RARB: variants seen among roughly 807,000 people sequenced by gnomAD.
RARB encodes the protein retinoic acid receptor beta, also known as HBV-activated protein.
RARB carries 17 observed loss-of-function variants against 51.9 expected under a neutral mutation model. The ratio of observed to expected loss-of-function variants is 0.33; its 90% CI spans 0.22 to 0.49. The LOEUF is 0.49. Among genes scored for constraint, RARB ranks in the 20% least tolerant of loss-of-function variants. The probability of loss-of-function intolerance (pLI) is 0.99; values close to 1 mark genes in which losing one functional copy is unlikely to be tolerated. For synonymous variants in RARB, 215 were observed against 195.4 expected (o/e 1.10, Z -0.84); for missense variants, 369 against 550.8 (o/e 0.67, Z 3.30).
intron 5 of RARB, among the ~76,000 whole-genome samples, chr3:25,405,646 A>T (rs145038781): frequency 2.8e-4 from 42 of 152,350 alleles, no homozygotes; most frequent in African/African-American, 1.0e-3. Flanking sequence ...GTGGCAATTT[A>T]AATTTAAATG....
chr3:25,361,962 G>A (rs1272127074), intron 5 of RARB, among the ~76,000 whole-genome samples: 1 of 152,170 alleles, frequency 6.6e-6, no homozygotes, highest in African/African-American at 2.4e-5. Context: ...CAGGGTTCAG[G>A]GACCCACTGA....
chr3:25,047,772 C>G (rs1698246636), intron 2 of RARB, among the ~76,000 whole-genome samples: 1 of 152,222 alleles, frequency 6.6e-6, no homozygotes, highest in Non-Finnish European at 1.5e-5. Context: ...ACCATACTGT[C>G]TATCTGCATT....
chr3:25,341,880 C>A (rs113251287), intron 5 of RARB, among the ~76,000 whole-genome samples: 1 of 151,992 alleles, frequency 6.6e-6, no homozygotes, highest in African/African-American at 2.4e-5. Flanking sequence ...CCTCAAACTA[C>A]GCTAATTTCC....
At chr3:25,439,925 T>C (rs1345366262) in intron 1 of RARB, among the ~76,000 whole-genome samples, 1 of 152,194 alleles carries the variant, frequency 6.6e-6, no homozygotes, top group Non-Finnish European at 1.5e-5. Context: ...TACAGCATGG[T>C]ACCCTGCAGT....
chr3:24,999,749 G>T (rs1432790253), intron 2 of RARB, among the ~76,000 whole-genome samples: 2 of 152,038 alleles, frequency 1.3e-5, no homozygotes, highest in African/African-American at 4.8e-5. Flanking sequence ...ACCTCTAAGG[G>T]GTAGATTGCA....
intron 2 of RARB, among the ~76,000 whole-genome samples, chr3:25,467,101 C>A (rs557238674): frequency 5.3e-5 from 8 of 152,334 alleles, no homozygotes; most frequent in Admixed American, 5.2e-4. Flanking sequence ...CTCCACCCTT[C>A]CAATCACACT....
At position 24,862,402 on chromosome 3, in the gene RARB, C is replaced by T. The variant is rs986122398; in HGVS notation, c.-380+3650C>T. ...ACCTGGTGAGGAAGTACAGTCATCC[C>T]TCCTTATCCATGTTTTTGCCTTCCA... On this transcript the variant is annotated intron_variant, in intron 2 of 11. Transcript: ENST00000383772. 2.0e-5 allele frequency among the ~76,000 whole-genome samples: 3 copies of T among 152,278 alleles called. No homozygotes were observed. The East Asian group carries it at 5.8e-4, about 29-fold the overall frequency.
chr3:24,918,876 C>T (rs775004915), intron 2 of RARB, among the ~76,000 whole-genome samples: 5 of 151,704 alleles, frequency 3.3e-5, no homozygotes, highest in African/African-American at 7.3e-5. Context: ...GGTGACAGAG[C>T]GAGAGTCTCA....
At chr3:25,335,971 A>T (rs1220269344) in intron 5 of RARB, among the ~76,000 whole-genome samples, 1 of 152,118 alleles carries the variant, frequency 6.6e-6, no homozygotes, top group Non-Finnish European at 1.5e-5. Context: ...TCTAAAACAC[A>T]GGTTTTTAAA....
intron 5 of RARB, chr3:25,324,617 G>C (rs1704662097): frequency 1.2e-5 from 2 of 171,900 alleles, no homozygotes. Context: ...TTGCAGAGAA[G>C]CTGGGAGGCA....
chr3:24,903,024 C>A (rs1052258891), intron 2 of RARB, among the ~76,000 whole-genome samples: 2 of 151,982 alleles, frequency 1.3e-5, no homozygotes, highest in African/African-American at 4.8e-5. Context: ...ACAAGAATAA[C>A]TGTTATTGGA....
intron 2 of RARB, among the ~76,000 whole-genome samples, chr3:24,987,591 A>C (rs1677316734): frequency 6.6e-6 from 1 of 152,252 alleles, no homozygotes; most frequent in African/African-American, 2.4e-5. Context: ...CAAGAGACTT[A>C]TATCCCTCCT....
At chr3:25,552,510 T>C (rs1301739520) in intron 3 of RARB, among the ~76,000 whole-genome samples, 1 of 152,050 alleles carries the variant, frequency 6.6e-6, no homozygotes, top group Non-Finnish European at 1.5e-5. Context: ...TTAGGGCAAC[T>C]TGACCTCTCT....
intron 1 of RARB, among the ~76,000 whole-genome samples, chr3:25,460,175 G>A (rs1695106009): frequency 6.6e-6 from 1 of 152,144 alleles, no homozygotes; most frequent in South Asian, 2.1e-4. Context: ...TTAGTCATCT[G>A]GGGATTTCAT....
At chr3:25,540,546 G>C (rs1171418983) in intron 3 of RARB, among the ~76,000 whole-genome samples, 1 of 152,200 alleles carries the variant, frequency 6.6e-6, no homozygotes. Context: ...TCTCTCTACT[G>C]TGAGTTTTGT....
At chr3:24,936,022 T>C (rs1394579666) in intron 2 of RARB, among the ~76,000 whole-genome samples, 1 of 152,212 alleles carries the variant, frequency 6.6e-6, no homozygotes, top group Non-Finnish European at 1.5e-5. Context: ...TCTGGAACTT[T>C]ACTGTTTGAA....
chr3:25,228,944 G>A lies in RARB; in HGVS notation c.178+54369G>A, dbSNP rs987724741. 6.6e-5 allele frequency among the ~76,000 whole-genome samples: 10 copies of A among 151,780 alleles called. 1 individual carries two copies. Among genetic ancestry groups the A allele is most frequent in the East Asian group, 3.9e-4 (2 of 5,186 alleles). ...TCTTTTTTCCTTGTTTCTTTGTTTC[G>A]CCTCCTCTACAATATGCTCTCCTTG... On this transcript the variant is annotated intron_variant, in intron 5 of 11. Coordinates refer to the RARB transcript ENST00000383772.
At chr3:25,413,964 G>A (rs984135622) in intron 5 of RARB, among the ~76,000 whole-genome samples, 3 of 152,070 alleles carry the variant, frequency 2.0e-5, no homozygotes, top group Non-Finnish European at 2.9e-5. Context: ...TGATGCGCAC[G>A]TATACCTGTG....
intron 5 of RARB, among the ~76,000 whole-genome samples, chr3:25,242,690 A>G (rs1201617263): frequency 6.6e-6 from 1 of 152,124 alleles, no homozygotes; most frequent in African/African-American, 2.4e-5. Context: ...TACCAGTACC[A>G]TGCTGTTTTG....
Sources: allele counts gnomAD v4.1 joint callset (sites outside exome capture counted in the v4.1 genomes callset), GRCh38; gene constraint gnomAD v4.1.1; transcripts MANE v1.5; gene names NCBI Gene and HGNC (gene_info 2026-07-23, HGNC 2026-07-21).